The following XPOT variants were observed in gnomAD, a reference collection of about 807,000 sequenced individuals.
XPOT encodes the protein exportin for tRNA.
A neutral mutation model predicts 128.2 loss-of-function variants in XPOT; 34 were observed. That is an observed-to-expected ratio of 0.27 (90% confidence interval 0.20 to 0.35). XPOT has a LOEUF of 0.35. XPOT is among the 10% of genes least tolerant of loss of function. The pLI is 1.00. For missense variants in XPOT, 838 were observed against 1,125.3 expected (o/e 0.74, Z 3.65); for synonymous variants, 348 against 394.3 (o/e 0.88, Z 1.39).
chr12:64,419,923 C>A, intron 6 of XPOT, 147 bp from the exon 7 acceptor site: 3 of 614,104 alleles, frequency 4.9e-6, no homozygotes, highest in Non-Finnish European at 7.8e-6. Context: ...CAAAGAATCA[C>A]AGGATATGAT....
At chr12:64,404,878 G>A (rs1354179415) in intron 1 of XPOT, 74 bp downstream of exon 1, 2 of 126,256 alleles carry the variant, frequency 1.6e-5, no homozygotes, top group African/African-American at 4.9e-5. Context: ...AGTTGGCCGG[G>A]GCGGACCGGC....
chr12:64,412,721 A>T (rs2040050383), intron 2 of XPOT, among the ~76,000 whole-genome samples: 1 of 152,222 alleles, frequency 6.6e-6, no homozygotes, highest in Admixed American at 6.5e-5. Flanking sequence ...CACTACCAGG[A>T]TTAGCATCAC....
rs2039960941 is a variant in XPOT, at chr12:64,404,652, AC to A, written c.-225del. ...CTAGAGGCGCGCGGTCCCGGCCAGC[AC>A]CGTCTCTGGCGTTGTAGCTGCGGCC... On this transcript the variant is annotated 5_prime_UTR_variant, in exon 1 of 25. Coordinates refer to ENST00000332707, the MANE Select transcript of XPOT (RefSeq NM_007235.6). 1 of 152,442 alleles carries A rather than the reference AC, an allele frequency of 6.6e-6. No homozygotes were observed. Among genetic ancestry groups the A allele is most frequent in the Non-Finnish European group, 1.5e-5 (1 of 68,166 alleles). The allele number at this position is 152,442 out of a possible 1,614,324, so 9.4% of individuals were successfully genotyped here.
chr12:64,439,556 A>T (rs888609413), intron 23 of XPOT, among the ~76,000 whole-genome samples: 2 of 152,218 alleles, frequency 1.3e-5, no homozygotes, highest in African/African-American at 4.8e-5. Flanking sequence ...TTAGTTTGAT[A>T]ACCATTATTC....
chr12:64,415,012 T>G, intron 3 of XPOT, 23 bp downstream of exon 3: 1 of 1,478,160 alleles, frequency 6.8e-7, no homozygotes, highest in South Asian at 1.1e-5. Context: ...AAAATTTGCA[T>G]GACAATTTAA....
intron 8 of XPOT, 147 bp from the exon 9 acceptor site, chr12:64,421,088 C>T (rs1036085775): frequency 1.4e-6 from 1 of 706,098 alleles, no homozygotes; most frequent in Admixed American, 2.3e-5. Flanking sequence ...AGGCATAAGC[C>T]ACCGTGCCCA....
chr12:64,409,402 T>G (rs1417596169), intron 1 of XPOT, among the ~76,000 whole-genome samples: 1 of 152,220 alleles, frequency 6.6e-6, no homozygotes, highest in Non-Finnish European at 1.5e-5. Context: ...AAGAAGATCT[T>G]GAAGACTAAG....
chr12:64,437,045 C>G (rs2040288414), intron 22 of XPOT, among the ~76,000 whole-genome samples: 1 of 152,176 alleles, frequency 6.6e-6, no homozygotes, highest in Non-Finnish European at 1.5e-5. Context: ...GCCCTCACCC[C>G]CTAAAAAGAA....
At position 64,418,948 on chromosome 12, in the gene XPOT, A is replaced by G. The variant is rs752251298; in HGVS notation, c.343A>G (p.Thr115Ala). The G allele has an allele frequency of 6.2e-7, 1 of 1,614,032 alleles. No homozygotes were observed. The highest frequency in any genetic ancestry group is 1.1e-5 in the South Asian group (1 of 91,078). The change falls in exon 6 of 25, where the codon ACA (threonine) becomes GCA (alanine). Residue 115 changes from threonine (T) to alanine (A), a missense_variant. This residue lies in a region of XPOT where 761 missense variants were observed against 988.3 expected (regional missense o/e 0.77). Coordinates refer to ENST00000332707, the MANE Select transcript of XPOT (RefSeq NM_007235.6). Reference sequence around the variant, plus strand: ...CCAAGTCTTCGCCTTGCTTTTTGTTACAGAGTATCTCACTAAGTGGCCCAA... The same window carrying G: ...CCAAGTCTTCGCCTTGCTTTTTGTTGCAGAGTATCTCACTAAGTGGCCCAA... Reference protein sequence around the residue: ...AAQVFALLFVTEYLTKWPKFF... With the variant: ...AAQVFALLFVAEYLTKWPKFF...
intron 16 of XPOT, 43 bp downstream of exon 16, chr12:64,428,163 G>T: frequency 7.5e-7 from 1 of 1,335,018 alleles, no homozygotes. Flanking sequence ...AGAATTCATT[G>T]AAGCCACACG....
At chr12:64,408,403 T>C (rs994694111) in intron 1 of XPOT, among the ~76,000 whole-genome samples, 1 of 152,170 alleles carries the variant, frequency 6.6e-6, no homozygotes, top group African/African-American at 2.4e-5. Flanking sequence ...CCAGCACGCC[T>C]GGCCCCCCAC....
Position 64,423,018 on chromosome 12 carries a change from C to G in XPOT, c.1094C>G (p.Ser365Trp), listed in dbSNP as rs770001589. 1.2e-6 allele frequency: 2 copies of G among 1,613,094 alleles called. No individual in the cohort carries two copies. Among genetic ancestry groups the G allele is most frequent in the African/African-American group, 2.7e-5 (2 of 74,854 alleles). The change falls in exon 10 of 25, where the codon TCG (serine) becomes TGG (tryptophan). Residue 365 changes from serine to tryptophan, a missense_variant. Around this residue, in one of 3 missense-constraint regions of XPOT, gnomAD observed 761 missense variants for 988.3 expected, o/e 0.77. Coordinates refer to ENST00000332707, the MANE Select transcript of XPOT (RefSeq NM_007235.6). ...LHILKQLTVL[S>W]DQQKANVEAI... ...CCTTTTTAACAGCTTACAGTGCTCT[C>G]GGATCAGCAAAAAGCTAATGTAGAG...
intron 16 of XPOT, among the ~76,000 whole-genome samples, chr12:64,429,043 C>T (rs2040215640): frequency 6.6e-6 from 1 of 152,200 alleles, no homozygotes; most frequent in South Asian, 2.1e-4. Context: ...CAATGGGTCA[C>T]TACAACATAT....
chr12:64,443,486 C>T (rs1350152229), intron 23 of XPOT, among the ~76,000 whole-genome samples: 1 of 151,810 alleles, frequency 6.6e-6, no homozygotes, highest in African/African-American at 2.4e-5. Flanking sequence ...ACAGGGTCAT[C>T]CACTGTCGCC....
chr12:64,412,148 A>G (rs1347419952), intron 2 of XPOT, among the ~76,000 whole-genome samples: 2 of 150,992 alleles, frequency 1.3e-5, no homozygotes, highest in African/African-American at 4.9e-5. Flanking sequence ...CTCAGCTGGG[A>G]TTAGAGTAGC....
At chr12:64,407,834 T>C (rs2136007791) in intron 1 of XPOT, among the ~76,000 whole-genome samples, 1 of 152,282 alleles carries the variant, frequency 6.6e-6, no homozygotes, top group East Asian at 1.9e-4. Flanking sequence ...TGCCTTGAAG[T>C]CTGCAAGTAC....
chr12:64,416,015 T>TA (rs1381195688), intron 3 of XPOT, among the ~76,000 whole-genome samples: 1 of 152,218 alleles, frequency 6.6e-6, no homozygotes, highest in Non-Finnish European at 1.5e-5. Context: ...GGAACTCTCT[T>TA]ATACTCACTT....
chr12:64,405,421 T>A (rs2039970448), intron 1 of XPOT: 1 of 151,916 alleles, frequency 6.6e-6, no homozygotes, highest in Non-Finnish European at 1.5e-5. Context: ...GTCAGCGTGG[T>A]GTTAAAAGGC....
intron 17 of XPOT, among the ~76,000 whole-genome samples, chr12:64,430,686 G>T (rs1048846260): frequency 1.3e-4 from 19 of 152,000 alleles, no homozygotes; most frequent in African/African-American, 4.3e-4. Flanking sequence ...TGTTTTTTCC[G>T]CCTCTAGCCA....
Sources: allele counts gnomAD v4.1 joint callset (sites outside exome capture counted in the v4.1 genomes callset), GRCh38; gene constraint gnomAD v4.1.1; regional missense constraint gnomAD v4.1.1; transcripts MANE v1.5; gene names NCBI Gene and HGNC (gene_info 2026-07-23, HGNC 2026-07-21).